The following OSBPL8 variants were observed in gnomAD, a reference collection of about 807,000 sequenced individuals.
OSBPL8 encodes oxysterol-binding protein-related protein 8.
In OSBPL8, 59 loss-of-function variants were observed where a neutral mutation model predicts 125.5. The observed-to-expected ratio is 0.47, with a 90% CI of 0.38 to 0.58. The LOEUF (loss-of-function observed/expected upper bound fraction) is 0.58. Among genes scored for constraint, OSBPL8 ranks in the 20% least tolerant of loss-of-function variants. OSBPL8 has a pLI of 0.00. For missense variants in OSBPL8, 758 were observed against 1,047.8 expected, an observed-to-expected ratio of 0.72 and a Z score of 3.82; for synonymous variants, 330 against 338.9, an observed-to-expected ratio of 0.97 and a Z score of 0.29.
chr12:76,379,053 C>A (rs1361874317), intron 15 of OSBPL8, among the ~76,000 whole-genome samples: 1 of 152,158 alleles, frequency 6.6e-6, no homozygotes, highest in African/African-American at 2.4e-5. Context: ...TCCCAAAGTG[C>A]TGGGATTACA....
chr12:76,435,155 CGTGTGTGTGTGT>C (rs71082308), intron 4 of OSBPL8, among the ~76,000 whole-genome samples: 5 of 146,552 alleles, frequency 3.4e-5, no homozygotes, highest in Admixed American at 6.9e-5. Context: ...TATATATCTA[CGTGTGTGTGTGT>C]GTGTGTGTGT....
chr12:76,392,966 A>T (rs924939482), intron 9 of OSBPL8, among the ~76,000 whole-genome samples: 4 of 152,204 alleles, frequency 2.6e-5, no homozygotes, highest in Non-Finnish European at 5.9e-5. Context: ...AGTATACAGC[A>T]TGCATTAGAA....
chr12:76,483,794 C>T (rs1383557844), intron 2 of OSBPL8, among the ~76,000 whole-genome samples: 1 of 148,872 alleles, frequency 6.7e-6, no homozygotes, highest in Admixed American at 6.8e-5. Context: ...CATGTCTCAG[C>T]CTCCCGGGTA....
At chr12:76,502,318 CCA>C (rs1592802215) in intron 1 of OSBPL8, among the ~76,000 whole-genome samples, 1 of 152,276 alleles carries the variant, frequency 6.6e-6, no homozygotes, top group East Asian at 1.9e-4. Flanking sequence ...CTACGCTTTG[CCA>C]GTCTGGAGGT....
At chr12:76,385,830 A>G (rs567646106) in intron 14 of OSBPL8, among the ~76,000 whole-genome samples, 6 of 152,168 alleles carry the variant, frequency 3.9e-5, no homozygotes, top group Non-Finnish European at 8.8e-5. Context: ...TGCCAGACAA[A>G]TGAATGCCAC....
At chr12:76,422,666 T>C (rs998057172) in intron 4 of OSBPL8, 6 of 456,094 alleles carry the variant, frequency 1.3e-5, no homozygotes, top group African/African-American at 1.2e-4. Context: ...TCAGAAGGTC[T>C]ATTTAATGTA....
chr12:76,486,028 A>C (rs1246421583), intron 2 of OSBPL8: 1 of 435,642 alleles, frequency 2.3e-6, no homozygotes, highest in East Asian at 7.0e-5. Flanking sequence ...AAAATAAAGT[A>C]ACTTACCATC....
chr12:76,366,363 C>T (rs1423540674), intron 21 of OSBPL8, among the ~76,000 whole-genome samples: 2 of 152,110 alleles, frequency 1.3e-5, no homozygotes, highest in Admixed American at 1.3e-4. Context: ...TCTCATAATC[C>T]TATTTCTTTA....
rs754518205 is a variant in OSBPL8 at position 76,369,589 on chromosome 12, A to G, written c.2240+48T>C. The G allele has an allele frequency of 3.2e-6, 5 of 1,543,700 alleles. No homozygotes were observed. In the African/African-American group the frequency reaches 6.9e-5, roughly 21 times the overall value. On this transcript the variant is annotated intron_variant, in intron 20 of 23. Coordinates refer to ENST00000261183, the MANE Select transcript of OSBPL8 (RefSeq NM_020841.5). ...CAAATATTCTAGAAATAAAGGCAAC[A>G]AACCATGCTAATACATTGTTTGAAA...
chr12:76,423,183 T>C (rs572023241), intron 4 of OSBPL8: 1 of 152,386 alleles, frequency 6.6e-6, no homozygotes, highest in East Asian at 1.9e-4. Context: ...TAGATTTATA[T>C]CTAATCTACA....
intron 1 of OSBPL8, among the ~76,000 whole-genome samples, chr12:76,508,878 C>T (rs1486957945): frequency 6.6e-6 from 1 of 152,206 alleles, no homozygotes; most frequent in Non-Finnish European, 1.5e-5. Flanking sequence ...AATCCACCCC[C>T]TATTTAGCAT....
intron 7 of OSBPL8, among the ~76,000 whole-genome samples, chr12:76,398,998 G>C (rs576973232): frequency 1.6e-4 from 25 of 152,184 alleles, no homozygotes; most frequent in Non-Finnish European, 2.9e-4. Flanking sequence ...CTTAACAGAG[G>C]GCAGCTTTAA....
intron 4 of OSBPL8, among the ~76,000 whole-genome samples, chr12:76,438,303 CT>C (rs1011776823): frequency 0.012 from 1,545 of 130,490 alleles, 16 homozygotes; most frequent in African/African-American, 0.028. Context: ...TTCTTAATAA[CT>C]TTTTTTTTTT....
At chr12:76,378,079 A>G (rs2136229326) in intron 16 of OSBPL8, among the ~76,000 whole-genome samples, 1 of 152,344 alleles carries the variant, frequency 6.6e-6, no homozygotes, top group South Asian at 2.1e-4. Flanking sequence ...ACATTAAAAA[A>G]TAGTAAATTA....
chr12:76,496,304 G>A (rs1451248932), intron 1 of OSBPL8, among the ~76,000 whole-genome samples: 1 of 151,086 alleles, frequency 6.6e-6, no homozygotes, highest in Non-Finnish European at 1.5e-5. Context: ...CTTCTGTGCT[G>A]TTGGTTTTCC....
At chr12:76,462,906 G>A (rs1290886774) in intron 2 of OSBPL8, among the ~76,000 whole-genome samples, 2 of 152,170 alleles carry the variant, frequency 1.3e-5, no homozygotes, top group Admixed American at 6.6e-5. Flanking sequence ...AGGCTGGAAT[G>A]CAATGCAAAA....
intron 21 of OSBPL8, among the ~76,000 whole-genome samples, 195 bp downstream of exon 21, chr12:76,369,019 T>C (rs907041501): frequency 6.6e-6 from 1 of 152,174 alleles, no homozygotes; most frequent in Non-Finnish European, 1.5e-5. Context: ...TCTGACTGTT[T>C]TCCAGAGTTC....
intron 16 of OSBPL8, 41 bp from the exon 17 acceptor site, chr12:76,375,411 GTATAGTA>G (rs1303197615): frequency 7.3e-7 from 1 of 1,375,598 alleles, no homozygotes. Flanking sequence ...AAAGAGTATA[GTATAGTA>G]TATGGCTCAC....
At chr12:76,483,656 T>G (rs990121655) in intron 2 of OSBPL8, among the ~76,000 whole-genome samples, 9 of 134,262 alleles carry the variant, frequency 6.7e-5, no homozygotes. Flanking sequence ...ATCACTGTAA[T>G]AGTCTTTTTT....
Sources: allele counts gnomAD v4.1 joint callset (sites outside exome capture counted in the v4.1 genomes callset), GRCh38; gene constraint gnomAD v4.1.1; transcripts MANE v1.5; gene names NCBI Gene and HGNC (gene_info 2026-07-23, HGNC 2026-07-21).